The following RNF169 variants were observed in gnomAD, a reference collection of about 807,000 sequenced individuals.
The protein encoded by RNF169 is ring finger protein 169, also known as E3 ubiquitin-protein ligase RNF169.
RNF169 carries 24 observed loss-of-function variants against 53.9 expected under a neutral mutation model. The observed-to-expected ratio is 0.45, with a 90% CI of 0.32 to 0.63. RNF169 has a LOEUF of 0.63. RNF169 is among the 20% of genes least tolerant of loss of function. RNF169 has a pLI of 0.04. For synonymous variants in RNF169, 396 were observed against 363.5 expected (o/e 1.09, Z -1.02); for missense variants, 883 against 906.2 (o/e 0.97, Z 0.33).
At chr11:74,762,622 G>A (rs1023164140) in intron 1 of RNF169, among the ~76,000 whole-genome samples, 10 of 152,088 alleles carry the variant, frequency 6.6e-5, no homozygotes, top group African/African-American at 1.4e-4. Flanking sequence ...GTTCCTATTC[G>A]GCCATCCGAC....
At chr11:74,768,330 G>A (rs570619973) in intron 1 of RNF169, among the ~76,000 whole-genome samples, 11 of 152,324 alleles carry the variant, frequency 7.2e-5, no homozygotes, top group Admixed American at 4.6e-4. Flanking sequence ...TGTAGAGCCA[G>A]GCATGGTGGC....
At chr11:74,786,041 C>T (rs2035496579) in intron 1 of RNF169, among the ~76,000 whole-genome samples, 1 of 150,582 alleles carries the variant, frequency 6.6e-6, no homozygotes, top group South Asian at 2.1e-4. Flanking sequence ...CCCAGGTTCA[C>T]ACCATTCTCC....
At chr11:74,768,799 C>T (rs956115622) in intron 1 of RNF169, among the ~76,000 whole-genome samples, 2 of 152,126 alleles carry the variant, frequency 1.3e-5, no homozygotes, top group Admixed American at 1.3e-4. Flanking sequence ...AATCCCAGGA[C>T]TTTGGGAGGT....
intron 1 of RNF169, among the ~76,000 whole-genome samples, chr11:74,750,436 A>C (rs2034868867): frequency 6.6e-6 from 1 of 152,134 alleles, no homozygotes; most frequent in Admixed American, 6.5e-5. Context: ...ATACAAGTGC[A>C]GCTTCTAGAA....
chr11:74,762,826 A>G (rs1287871971), intron 1 of RNF169, among the ~76,000 whole-genome samples: 2 of 152,204 alleles, frequency 1.3e-5, no homozygotes, highest in African/African-American at 4.8e-5. Flanking sequence ...AAATGGAACT[A>G]CCGACCAAAA....
intron 1 of RNF169, among the ~76,000 whole-genome samples, chr11:74,785,118 C>T (rs1018098924): frequency 4.1e-5 from 6 of 146,270 alleles, no homozygotes; most frequent in African/African-American, 1.6e-4. Flanking sequence ...ATTTGATAGA[C>T]AGGAAGACTA....
At chr11:74,769,415 G>A (rs79819589) in intron 1 of RNF169, among the ~76,000 whole-genome samples, 2,154 of 152,256 alleles carry the variant, frequency 0.014, 25 homozygotes, top group Non-Finnish European at 0.023. Flanking sequence ...ACGTTGGAGA[G>A]CAGTTTGGCC....
chr11:74,790,816 G>A (rs1415112282), intron 2 of RNF169, among the ~76,000 whole-genome samples: 2 of 152,348 alleles, frequency 1.3e-5, no homozygotes, highest in East Asian at 1.9e-4. Context: ...GCTTGGAGAT[G>A]CCAGGAACTG....
At chr11:74,824,996 T>C (rs922216834) in intron 4 of RNF169, among the ~76,000 whole-genome samples, 1 of 152,144 alleles carries the variant, frequency 6.6e-6, no homozygotes, top group Non-Finnish European at 1.5e-5. Flanking sequence ...AGAAATAGGT[T>C]GATAGTGAAA....
intron 1 of RNF169, among the ~76,000 whole-genome samples, chr11:74,753,352 A>C (rs932029979): frequency 2.6e-5 from 4 of 152,366 alleles, no homozygotes; most frequent in Middle Eastern, 3.4e-3. Context: ...AAGAGTTTAC[A>C]TGAGTTGATA....
At chr11:74,806,727 A>G (rs2035810549) in intron 2 of RNF169, among the ~76,000 whole-genome samples, 1 of 151,886 alleles carries the variant, frequency 6.6e-6, no homozygotes, top group South Asian at 2.1e-4. Context: ...TATAAAATTC[A>G]GAAATAGGTA....
chr11:74,773,935 C>T (rs2035293376), intron 1 of RNF169, among the ~76,000 whole-genome samples: 1 of 152,202 alleles, frequency 6.6e-6, no homozygotes. Context: ...TATATGCAGT[C>T]ATTCATTTTG....
chr11:74,798,544 T>C (rs1158469471), intron 2 of RNF169, among the ~76,000 whole-genome samples: 1 of 152,218 alleles, frequency 6.6e-6, no homozygotes, highest in Non-Finnish European at 1.5e-5. Context: ...CATTAGCAAT[T>C]TTAATTTCGC....
intron 2 of RNF169, among the ~76,000 whole-genome samples, chr11:74,805,786 CA>C (rs2035795062): frequency 6.6e-6 from 1 of 151,924 alleles, no homozygotes; most frequent in African/African-American, 2.4e-5. Context: ...TCTATATGCA[CA>C]TTTTTTTTTT....
At chr11:74,797,106 A>C (rs1761171268) in intron 2 of RNF169, among the ~76,000 whole-genome samples, 1 of 152,338 alleles carries the variant, frequency 6.6e-6, no homozygotes, top group Admixed American at 6.5e-5. Flanking sequence ...CCTTAGCCAG[A>C]GAACAGACTA....
intron 4 of RNF169, among the ~76,000 whole-genome samples, chr11:74,825,948 G>A (rs1218948382): frequency 6.6e-6 from 1 of 152,148 alleles, no homozygotes; most frequent in Non-Finnish European, 1.5e-5. Flanking sequence ...TACAATCATG[G>A]CAGAAGTCAA....
intron 3 of RNF169, among the ~76,000 whole-genome samples, chr11:74,815,158 A>T (rs1004186088): frequency 1.3e-5 from 2 of 152,214 alleles, no homozygotes; most frequent in African/African-American, 4.8e-5. Flanking sequence ...TCAAAGATGA[A>T]AGATGAGGGG....
intron 1 of RNF169, among the ~76,000 whole-genome samples, chr11:74,761,581 G>T (rs1200569218): frequency 6.6e-6 from 1 of 152,002 alleles, no homozygotes; most frequent in Non-Finnish European, 1.5e-5. Context: ...AGCTTAGTTT[G>T]GCTGGACATG....
In RNF169 at chr11:74,749,193, C is replaced by A; in HGVS notation, c.313C>A (p.Arg105Ser). ...CGACGCGGCGGGCCCGGGTTGCCCT[C>A]GCTGCCGCGCCCGCGGCCCAGGCTG... ...AADAAGPGCP[R>S]CRARGPGWAR... Residue 105 changes from arginine to serine, a missense_variant, in exon 1 of 6, where the codon CGC becomes AGC. By Grantham distance (110) the Arg-to-Ser change is moderately radical. This residue lies in a region of RNF169 where 313 missense variants were observed against 279.9 expected (regional missense o/e 1.12). Coordinates refer to ENST00000299563, the MANE Select transcript of RNF169 (RefSeq NM_001098638.2). 1 of 1,156,982 alleles carries A rather than the reference C, an allele frequency of 8.6e-7. No homozygotes were observed. Among genetic ancestry groups the A allele is most frequent in the Non-Finnish European group, 1.1e-6 (1 of 942,336 alleles). The allele number at this position is 1,156,982 out of a possible 1,614,324, so 71.7% of individuals were successfully genotyped here.
Sources: allele counts gnomAD v4.1 joint callset (sites outside exome capture counted in the v4.1 genomes callset), GRCh38; gene constraint gnomAD v4.1.1; regional missense constraint gnomAD v4.1.1; transcripts MANE v1.5; gene names NCBI Gene and HGNC (gene_info 2026-07-23, HGNC 2026-07-21).